Variants in BBS9 observed in about 807,000 individuals in gnomAD.
BBS9 encodes Bardet-Biedl syndrome 9, also known as protein PTHB1.
In BBS9, 89 loss-of-function variants were observed where a neutral mutation model predicts 117.7. That is an observed-to-expected ratio of 0.76 (90% CI 0.64 to 0.90). BBS9 has a LOEUF of 0.90. Ranked by LOEUF, BBS9 falls within the 40% of genes least tolerant of loss-of-function variation. The pLI is 0.00. For missense variants in BBS9, 982 were observed against 1,042.2 expected, an observed-to-expected ratio of 0.94 and a Z score of 0.80; for synonymous variants, 379 against 370.9, an observed-to-expected ratio of 1.02 and a Z score of -0.25.
intron 21 of BBS9, among the ~76,000 whole-genome samples, chr7:33,614,640 C>G (rs943899006): frequency 3.3e-5 from 5 of 152,004 alleles, no homozygotes; most frequent in Admixed American, 3.3e-4. Flanking sequence ...CTAGTATCAG[C>G]GCAAGAAAAC....
chr7:33,472,450 A>G (rs1177180108), intron 19 of BBS9, among the ~76,000 whole-genome samples: 3 of 152,200 alleles, frequency 2.0e-5, no homozygotes, highest in East Asian at 1.9e-4. Flanking sequence ...CTCAGAGAAG[A>G]TTCTGTATCT....
At chr7:33,207,268 AT>A (rs1290278903) in intron 5 of BBS9, among the ~76,000 whole-genome samples, 1 of 152,186 alleles carries the variant, frequency 6.6e-6, no homozygotes, top group Non-Finnish European at 1.5e-5. Context: ...GCCTGCAATA[AT>A]CTTTACTGTG....
chr7:33,194,437 G>A (rs1784627762), intron 5 of BBS9, among the ~76,000 whole-genome samples: 1 of 151,494 alleles, frequency 6.6e-6, no homozygotes, highest in African/African-American at 2.4e-5. Flanking sequence ...TCTTTCTTTG[G>A]TTTCATTGCC....
intron 1 of BBS9, among the ~76,000 whole-genome samples, chr7:33,136,181 T>G (rs991331690): frequency 6.6e-6 from 1 of 152,232 alleles, no homozygotes. Context: ...TATAGAAATA[T>G]CATGGATATT....
intron 19 of BBS9, among the ~76,000 whole-genome samples, chr7:33,405,163 A>G (rs9768576): frequency 0.016 from 2,462 of 152,276 alleles, 77 homozygotes; most frequent in African/African-American, 0.057. Flanking sequence ...ATTTGCGTAT[A>G]TTGAACCAGC....
In BBS9 at chr7:33,467,386, C is replaced by T. The variant is rs151087275; in HGVS notation, c.2116-38077C>T. Among the ~76,000 whole-genome samples, 19 of 152,208 alleles carry T rather than the reference C, an allele frequency of 1.2e-4. No homozygotes were observed. In the East Asian group the frequency reaches 3.5e-3, roughly 28 times the overall value. ...ATCCCAGACCCTGTGTTATCTCCATCGATTTTCTATGAGGCTAGACAAGAT... is the reference window on the plus strand; with the variant it reads ...ATCCCAGACCCTGTGTTATCTCCATTGATTTTCTATGAGGCTAGACAAGAT... On this transcript the variant is annotated intron_variant, in intron 19 of 22. Transcript: ENST00000242067.
intron 9 of BBS9, among the ~76,000 whole-genome samples, chr7:33,290,259 C>CA (rs1360633602): frequency 6.6e-6 from 1 of 152,122 alleles, no homozygotes; most frequent in Non-Finnish European, 1.5e-5. Flanking sequence ...AAAACCTTAG[C>CA]AACGTGCATG....
intron 19 of BBS9, among the ~76,000 whole-genome samples, chr7:33,498,753 A>G (rs1845066575): frequency 6.6e-6 from 1 of 152,150 alleles, no homozygotes; most frequent in Non-Finnish European, 1.5e-5. Flanking sequence ...TTGTTTATCC[A>G]TGTGTCTGTT....
intron 5 of BBS9, among the ~76,000 whole-genome samples, chr7:33,187,758 A>C (rs1783359281): frequency 6.6e-6 from 1 of 151,804 alleles, no homozygotes; most frequent in Non-Finnish European, 1.5e-5. Flanking sequence ...ATCTCTACTT[A>C]AAATACAAAA....
intron 8 of BBS9, 110 bp downstream of exon 8, chr7:33,273,305 A>T: frequency 9.0e-7 from 1 of 1,110,410 alleles, no homozygotes; most frequent in South Asian, 1.4e-5. Context: ...AAACAGTTTA[A>T]TATTGAATAT....
intron 9 of BBS9, among the ~76,000 whole-genome samples, chr7:33,287,325 A>G (rs1029800380): frequency 2.0e-5 from 3 of 152,198 alleles, no homozygotes; most frequent in Non-Finnish European, 4.4e-5. Context: ...TTAACATTTT[A>G]AAAACCTTAG....
chr7:33,590,042 C>CA (rs1479644238), intron 21 of BBS9, among the ~76,000 whole-genome samples: 1 of 151,806 alleles, frequency 6.6e-6, no homozygotes, highest in African/African-American at 2.4e-5. Context: ...AGAAGTCAAG[C>CA]AAAAAAAGTT....
chr7:33,239,280 T>C (rs1794066363), intron 5 of BBS9, among the ~76,000 whole-genome samples: 1 of 152,210 alleles, frequency 6.6e-6, no homozygotes, highest in Non-Finnish European at 1.5e-5. Flanking sequence ...TAAACTAAAC[T>C]TTCTCATTTA....
intron 4 of BBS9, among the ~76,000 whole-genome samples, chr7:33,169,309 T>C (rs1250351450): frequency 1.3e-5 from 2 of 150,112 alleles, no homozygotes; most frequent in African/African-American, 5.0e-5. Context: ...GACTTAGAGT[T>C]CTTTGGGTAT....
chr7:33,352,802 G>A, intron 14 of BBS9, 57 bp from the exon 15 acceptor site: 1 of 1,577,674 alleles, frequency 6.3e-7, no homozygotes, highest in Non-Finnish European at 8.7e-7. Context: ...CTTTACCACA[G>A]ATAATTTGTT....
intron 19 of BBS9, among the ~76,000 whole-genome samples, chr7:33,416,305 CCTTCACCACTGGTATTGT>C (rs1335136192): frequency 6.6e-6 from 1 of 151,188 alleles, no homozygotes; most frequent in Non-Finnish European, 1.5e-5. Flanking sequence ...TGCTTGACAG[CCTTCACCACTGGTATTGT>C]CTCCTGACAC....
intron 21 of BBS9, among the ~76,000 whole-genome samples, chr7:33,582,291 AG>A (rs554516203): frequency 2.0e-5 from 3 of 152,014 alleles, no homozygotes; most frequent in Non-Finnish European, 4.4e-5. Context: ...AAAGGCACAG[AG>A]GTGGGGCACA....
At chr7:33,318,220 C>T (rs1455677624) in intron 9 of BBS9, among the ~76,000 whole-genome samples, 1 of 152,180 alleles carries the variant, frequency 6.6e-6, no homozygotes, top group Non-Finnish European at 1.5e-5. Context: ...GATTCCTTGG[C>T]CCAATCTTGA....
chr7:33,420,037 G>A (rs1464093599), intron 19 of BBS9, among the ~76,000 whole-genome samples: 1 of 152,128 alleles, frequency 6.6e-6, no homozygotes, highest in Non-Finnish European at 1.5e-5. Flanking sequence ...AGAATAAAAA[G>A]AAGCCTCAAA....
Sources: gnomAD v4.1 joint callset for allele counts (sites outside exome capture counted in the v4.1 genomes callset) on GRCh38, gnomAD v4.1.1 for gene constraint, MANE v1.5 for transcripts, NCBI Gene and HGNC (gene_info 2026-07-23, HGNC 2026-07-21) for gene names.